TOM1L1: variants seen among roughly 807,000 people sequenced by gnomAD.
The protein encoded by TOM1L1 is TOM1-like protein 1.
In TOM1L1, 64 loss-of-function variants were observed where a neutral mutation model predicts 63.4. The ratio of observed to expected loss-of-function variants is 1.01; its 90% CI spans 0.83 to 1.24. TOM1L1 has a LOEUF of 1.24. Ranked by LOEUF, TOM1L1 falls within the 50% of genes most tolerant of loss-of-function variation. TOM1L1 has a pLI of 0.00. For synonymous variants in TOM1L1, 166 were observed against 194.4 expected, an observed-to-expected ratio of 0.85 and a Z score of 1.22; for missense variants, 536 against 567.0, an observed-to-expected ratio of 0.95 and a Z score of 0.55.
At chr17:54,926,981 G>A (rs954916543) in intron 7 of TOM1L1, among the ~76,000 whole-genome samples, 5 of 152,214 alleles carry the variant, frequency 3.3e-5, no homozygotes, top group Non-Finnish European at 7.3e-5. Flanking sequence ...TTTCAAGGCA[G>A]CAACCAAGTC....
At chr17:54,958,092 A>G (rs900641330) in intron 14 of TOM1L1, 1 of 152,186 alleles carries the variant, frequency 6.6e-6, no homozygotes, top group South Asian at 2.1e-4. Flanking sequence ...CAACCTGTAC[A>G]AAGACCCAGA....
At chr17:54,931,098 G>A (rs1199100547) in intron 8 of TOM1L1, among the ~76,000 whole-genome samples, 1 of 152,026 alleles carries the variant, frequency 6.6e-6, no homozygotes. Context: ...TGTTTCTGTT[G>A]AGAATTACTG....
chr17:54,932,657 GTGATCCAC>G (rs971243601), intron 8 of TOM1L1, among the ~76,000 whole-genome samples: 4 of 152,098 alleles, frequency 2.6e-5, no homozygotes, highest in Admixed American at 2.0e-4. Context: ...TTGACCTCAG[GTGATCCAC>G]CCTCCTTGGC....
Position 54,937,350 on chromosome 17 carries a change from GT to G in TOM1L1, c.1033+126del. On this transcript the variant is annotated intron_variant, in intron 10 of 15. Transcript: ENST00000575882. ...GTCAGGTTGAATGTCAGAGCGCTAT[GT>G]TAGGAGATGTGATTACTTCCCGGCA... 3.9e-6 allele frequency: 3 copies of G among 774,318 alleles called. No homozygotes were observed. The Admixed American group carries it at 6.3e-5, about 16-fold the overall frequency. The allele number at this position is 774,318 out of a possible 1,614,324, so 48.0% of individuals were successfully genotyped here.
rs199889989 is a variant in TOM1L1, at chr17:54,937,167, G to A, written c.974G>A (p.Arg325Gln). 5.5e-5 allele frequency: 89 copies of A among 1,612,888 alleles called. No individual in the cohort carries two copies. The highest frequency in any genetic ancestry group is 3.3e-4 in the Middle Eastern group (2 of 6,084). ...QDLLDLSPSP[R>Q]MPRATLGELN... ...CTCCTCGACCTAAGTCCCAGTCCCC[G>A]GATGCCTAGGGCCACTCTGGGAGAA... Residue 325 changes from arginine to glutamine, a missense_variant, in exon 10 of 16, where the codon CGG becomes CAG. Arg to Gln is a conservative substitution (Grantham distance 43). Coordinates refer to ENST00000575882, the MANE Select transcript of TOM1L1 (RefSeq NM_005486.3).
Position 54,912,738 on chromosome 17 carries a change from G to A in TOM1L1, c.295G>A (p.Glu99Lys), listed in dbSNP as rs143746381. The A allele has an allele frequency of 1.9e-6, 3 of 1,611,710 alleles. No homozygotes were observed. The highest frequency in any genetic ancestry group is 4.5e-5 in the East Asian group (2 of 44,710). Residue 99 changes from glutamate to lysine, a missense_variant, in exon 4 of 16, where the codon GAG becomes AAG. Glu to Lys is a moderately conservative substitution (Grantham distance 56). Transcript: ENST00000575882. ...GATTGTGAAGAAGGAATTTGTTAAA[G>A]AGAATTTAGTTAAGCTACTGAATCC... Reference protein sequence around the residue: ...SLIVKKEFVKENLVKLLNPRY... With the variant: ...SLIVKKEFVKKNLVKLLNPRY...
At chr17:54,936,497 A>G in intron 8 of TOM1L1, 152 bp from the exon 9 acceptor site, 1 of 628,494 alleles carries the variant, frequency 1.6e-6, no homozygotes, top group Non-Finnish European at 2.7e-6. Context: ...TGTAAGCTGG[A>G]AAAAGGTTAT....
At chr17:54,957,599 G>T (rs147297237) in intron 14 of TOM1L1, 1 of 152,140 alleles carries the variant, frequency 6.6e-6, no homozygotes, top group African/African-American at 2.4e-5. Flanking sequence ...CTTTCTGGGG[G>T]TCAGAATGTC....
intron 7 of TOM1L1, among the ~76,000 whole-genome samples, chr17:54,919,308 A>G (rs2048643069): frequency 6.6e-6 from 1 of 152,180 alleles, no homozygotes; most frequent in Non-Finnish European, 1.5e-5. Context: ...TTAAATAGCC[A>G]CAGCAATATT....
At position 54,961,810 on chromosome 17, in the gene TOM1L1, G is replaced by A; in HGVS notation, c.*577G>A. ...AACAGGTCACTAGACTCTACATTGG[G>A]CAGCCTTTAAATATGATTCTTTGTA... On this transcript the variant is annotated 3_prime_UTR_variant, in exon 16 of 16. Transcript: ENST00000575882. 5.1e-6 allele frequency: 5 copies of A among 985,432 alleles called. No homozygotes were observed. Among genetic ancestry groups the A allele is most frequent in the Non-Finnish European group, 6.0e-6 (5 of 829,620 alleles). The allele number at this position is 985,432 out of a possible 1,614,324, so 61.0% of individuals were successfully genotyped here. A position where few individuals can be genotyped will look rare whatever the true frequency, so the allele number is the denominator to read the frequency against.
At chr17:54,916,084 TTA>T (rs1190845499) in intron 7 of TOM1L1, 4 of 480,440 alleles carry the variant, frequency 8.3e-6, no homozygotes, top group Admixed American at 3.9e-5. Context: ...AAATAATTTA[TTA>T]TAAGTTATAA....
intron 12 of TOM1L1, among the ~76,000 whole-genome samples, chr17:54,948,587 T>C (rs949679069): frequency 2.6e-5 from 4 of 152,128 alleles, no homozygotes; most frequent in Non-Finnish European, 4.4e-5. Flanking sequence ...TAGAGCAGTA[T>C]TCCACCCCAG....
chr17:54,938,352 G>A (rs1202715288), intron 10 of TOM1L1, among the ~76,000 whole-genome samples: 1 of 151,964 alleles, frequency 6.6e-6, no homozygotes, highest in Non-Finnish European at 1.5e-5. Context: ...AAATTAGCCG[G>A]GAGTGGTGGT....
At chr17:54,958,730 C>CAAAAAAAAAAA (rs61603848) in intron 14 of TOM1L1, among the ~76,000 whole-genome samples, 1 of 57,488 alleles carries the variant, frequency 1.7e-5, no homozygotes. Context: ...AACTCCATCT[C>CAAAAAAAAAAA]AAAAAAAAAA....
intron 11 of TOM1L1, among the ~76,000 whole-genome samples, chr17:54,944,795 A>G (rs922591898): frequency 6.6e-6 from 1 of 152,200 alleles, no homozygotes; most frequent in Non-Finnish European, 1.5e-5. Context: ...TCTATAGATA[A>G]TGTATTGTGG....
chr17:54,902,813 C>A (rs778935199), intron 1 of TOM1L1, among the ~76,000 whole-genome samples: 1 of 152,128 alleles, frequency 6.6e-6, no homozygotes, highest in African/African-American at 2.4e-5. Flanking sequence ...ATTCTTAAAG[C>A]GGCTGTCTGG....
At position 54,922,984 on chromosome 17, in the gene TOM1L1, A is replaced by G. The variant is rs994909507; in HGVS notation, c.721-7089A>G. 2.6e-5 allele frequency among the ~76,000 whole-genome samples: 4 copies of G among 152,332 alleles called. No homozygotes were observed. In the South Asian group the frequency reaches 6.2e-4, roughly 24 times the overall value. ...GATTTACCTGTTCTGGACATTTCAT[A>G]TAGGTGGAATCACATAATATATGAC... On this transcript the variant is annotated intron_variant, in intron 7 of 15. Coordinates refer to ENST00000575882, the MANE Select transcript of TOM1L1 (RefSeq NM_005486.3).
intron 11 of TOM1L1, among the ~76,000 whole-genome samples, chr17:54,939,973 A>G (rs1184944732): frequency 6.6e-6 from 1 of 152,234 alleles, no homozygotes; most frequent in Non-Finnish European, 1.5e-5. Flanking sequence ...TGATAGTCCA[A>G]TATTAAAATT....
chr17:54,949,353 G>A (rs552226724), intron 12 of TOM1L1, among the ~76,000 whole-genome samples, 165 bp from the exon 13 acceptor site: 57 of 152,024 alleles, frequency 3.7e-4, no homozygotes, highest in African/African-American at 1.4e-3. Context: ...AGTAAATCTC[G>A]TAAGTGATTA....
Sources: gnomAD v4.1 joint callset for allele counts (sites outside exome capture counted in the v4.1 genomes callset) on GRCh38, gnomAD v4.1.1 for gene constraint, MANE v1.5 for transcripts, NCBI Gene and HGNC (gene_info 2026-07-23, HGNC 2026-07-21) for gene names.